The following VEPH1 variants were observed in gnomAD, a reference collection of about 807,000 sequenced individuals.
The protein encoded by VEPH1 is ventricular zone-expressed PH domain-containing protein homolog 1.
VEPH1 carries 80 observed loss-of-function variants against 85.2 expected under a neutral mutation model. The ratio of observed to expected loss-of-function variants is 0.94; its 90% CI spans 0.78 to 1.13. VEPH1 has a LOEUF of 1.13. Among genes scored for constraint, VEPH1 ranks in the 50% most tolerant of loss-of-function variants. The probability of loss-of-function intolerance (pLI) is 0.00; values close to 1 mark genes in which losing one functional copy is unlikely to be tolerated. For missense variants in VEPH1, 955 were observed against 980.5 expected, an observed-to-expected ratio of 0.97 and a Z score of 0.35; for synonymous variants, 297 against 348.0, an observed-to-expected ratio of 0.85 and a Z score of 1.63.
intron 7 of VEPH1, among the ~76,000 whole-genome samples, chr3:157,373,631 C>T (rs542856491): frequency 3.7e-4 from 57 of 152,300 alleles, no homozygotes; most frequent in Admixed American, 2.8e-3. Flanking sequence ...CCTCCTCTCA[C>T]GTGGGTTGTA....
chr3:157,437,512 G>C lies in VEPH1; in HGVS notation c.530-9024C>G, dbSNP rs756169618. ...TAACGTGTGTGTATCCCGTACTCTA[G>C]CCACGCCGTGCGCCTGCGGTCAGGA... On this transcript the variant is annotated intron_variant, in intron 4 of 13. Coordinates refer to ENST00000362010, the MANE Select transcript of VEPH1 (RefSeq NM_001167912.2). The C allele has an allele frequency of 1.1e-5, 17 of 1,603,378 alleles. 2 individuals are homozygous for C. In the South Asian group the frequency reaches 1.9e-4, roughly 18 times the overall value.
At chr3:157,426,480 CCAAACCT>C (rs1732764154) in intron 5 of VEPH1, among the ~76,000 whole-genome samples, 1 of 152,298 alleles carries the variant, frequency 6.6e-6, no homozygotes, top group African/African-American at 2.4e-5. Flanking sequence ...TATTTTTGAA[CCAAACCT>C]CATCTGATTT....
intron 9 of VEPH1, among the ~76,000 whole-genome samples, chr3:157,356,177 A>G (rs62278586): frequency 0.23 from 34,677 of 152,116 alleles, 4,685 homozygotes; most frequent in Admixed American, 0.43. Context: ...GATTATGGGC[A>G]TGAGCCACCA....
chr3:157,461,855 G>A (rs1326529620), intron 3 of VEPH1, among the ~76,000 whole-genome samples: 3 of 151,900 alleles, frequency 2.0e-5, no homozygotes, highest in Non-Finnish European at 2.9e-5. Context: ...GATGGCCTCA[G>A]AGTAGGCAAG....
chr3:157,375,343 G>T (rs1405813423), intron 7 of VEPH1, among the ~76,000 whole-genome samples: 4 of 152,180 alleles, frequency 2.6e-5, no homozygotes. Flanking sequence ...ATGTCTTGGG[G>T]ACATGATGTC....
intron 5 of VEPH1, among the ~76,000 whole-genome samples, chr3:157,427,169 G>A (rs1228145041): frequency 6.6e-6 from 1 of 151,884 alleles, no homozygotes; most frequent in African/African-American, 2.4e-5. Flanking sequence ...TGTATTTTTA[G>A]TAGAAACAGG....
chr3:157,447,308 T>C (rs1734627390), intron 4 of VEPH1, among the ~76,000 whole-genome samples: 1 of 152,212 alleles, frequency 6.6e-6, no homozygotes, highest in Non-Finnish European at 1.5e-5. Context: ...TCTTTTCCTG[T>C]TTTAAGACGT....
chr3:157,281,582 G>A (rs370639582), intron 12 of VEPH1, among the ~76,000 whole-genome samples: 4 of 150,954 alleles, frequency 2.6e-5, no homozygotes, highest in Non-Finnish European at 2.9e-5. Flanking sequence ...CTTGCCACCC[G>A]GCTGGAGTGC....
At chr3:157,286,298 T>C (rs1716758172) in intron 12 of VEPH1, 1 of 419,120 alleles carries the variant, frequency 2.4e-6, no homozygotes, top group Non-Finnish European at 4.4e-6. Flanking sequence ...TGAATACTTT[T>C]AGGGCAAAAT....
At chr3:157,495,623 G>A (rs2109759760) in intron 1 of VEPH1, 117 bp from the exon 2 acceptor site, 2 of 411,516 alleles carry the variant, frequency 4.9e-6, no homozygotes, top group East Asian at 9.8e-5. Context: ...CATGTGCCTA[G>A]ACTAATAGAT....
chr3:157,455,003 C>T (rs1398298405), intron 4 of VEPH1, among the ~76,000 whole-genome samples: 1 of 152,106 alleles, frequency 6.6e-6, no homozygotes, highest in Non-Finnish European at 1.5e-5. Flanking sequence ...TGATGGGCAC[C>T]TAGGTTAATT....
chr3:157,444,226 A>C (rs1469443134), intron 4 of VEPH1, among the ~76,000 whole-genome samples: 7 of 152,214 alleles, frequency 4.6e-5, no homozygotes, highest in African/African-American at 1.7e-4. Context: ...TCTGAAAGAT[A>C]GGGCATGGAC....
chr3:157,481,179 A>T (rs997531493), intron 2 of VEPH1, among the ~76,000 whole-genome samples: 22 of 151,904 alleles, frequency 1.4e-4, no homozygotes, highest in African/African-American at 5.3e-4. Context: ...TAAGTTATTT[A>T]TTGACTCTGG....
chr3:157,497,579 C>T (rs961902277), intron 1 of VEPH1, among the ~76,000 whole-genome samples: 1 of 152,180 alleles, frequency 6.6e-6, no homozygotes. Flanking sequence ...GAAATGACTT[C>T]ACCTGACCTG....
In VEPH1 at chr3:157,460,224, G is replaced by A. The variant is rs775801934; in HGVS notation, c.486C>T (p.Leu162=). The A allele has an allele frequency of 8.7e-6, 14 of 1,614,138 alleles. No homozygotes were observed. Among genetic ancestry groups the A allele is most frequent in the Non-Finnish European group, 1.2e-5 (14 of 1,180,032 alleles). Residue 162 remains leucine, a synonymous_variant, in exon 4 of 14, where the codon CTC becomes CTT. Transcript: ENST00000362010. ...CTATAACTTCCGTGTGATCAGCCAG[G>A]AGATCTGCCTTGGTAATTGCAGCCA... ...LSLAAITKAD[L]LADHTEVIVK...
At chr3:157,502,740 G>T (rs2109802351) in intron 1 of VEPH1, among the ~76,000 whole-genome samples, 1 of 151,718 alleles carries the variant, frequency 6.6e-6, no homozygotes, top group African/African-American at 2.4e-5. Flanking sequence ...ATCTGAAAGA[G>T]TAAAAAAGTG....
intron 13 of VEPH1, among the ~76,000 whole-genome samples, chr3:157,264,943 C>T (rs1713425120): frequency 6.6e-6 from 1 of 152,072 alleles, no homozygotes; most frequent in Admixed American, 6.6e-5. Context: ...ACTGAAAATT[C>T]ACAATACAAA....
At chr3:157,331,211 G>C (rs1722464293) in intron 9 of VEPH1, among the ~76,000 whole-genome samples, 2 of 152,176 alleles carry the variant, frequency 1.3e-5, no homozygotes, top group African/African-American at 4.8e-5. Flanking sequence ...ATGAGTCCAG[G>C]AGGGACATTA....
chr3:157,272,403 CT>C, intron 12 of VEPH1, among the ~76,000 whole-genome samples: 1 of 132,890 alleles, frequency 7.5e-6, no homozygotes. Context: ...TTCTTTCTTT[CT>C]TTCTTTCTTT....
Sources: gnomAD v4.1 joint callset for allele counts (sites outside exome capture counted in the v4.1 genomes callset) on GRCh38, gnomAD v4.1.1 for gene constraint, MANE v1.5 for transcripts, NCBI Gene and HGNC (gene_info 2026-07-23, HGNC 2026-07-21) for gene names.